The following SHTN1 variants were observed in gnomAD, a reference collection of about 807,000 sequenced individuals.
SHTN1 encodes the protein shootin 1.
In SHTN1, 42 loss-of-function variants were observed where a neutral mutation model predicts 83.1. The observed-to-expected ratio is 0.51, with a 90% CI of 0.39 to 0.65. The LOEUF (loss-of-function observed/expected upper bound fraction) is 0.65. Ranked by LOEUF, SHTN1 falls within the 30% of genes least tolerant of loss-of-function variation. The probability of loss-of-function intolerance (pLI) is 0.00; values close to 1 mark genes in which losing one functional copy is unlikely to be tolerated. For synonymous variants in SHTN1, 224 were observed against 247.7 expected, an observed-to-expected ratio of 0.90 and a Z score of 0.90; for missense variants, 622 against 737.8, an observed-to-expected ratio of 0.84 and a Z score of 1.82.
At position 116,885,060 on chromosome 10, in the gene SHTN1, T is replaced by A. The variant is rs1431037951; in HGVS notation, c.*1284A>T. On this transcript the variant is annotated 3_prime_UTR_variant, in exon 17 of 17. Transcript: ENST00000355371. ...TTACAGAAAGATAATTATCTCCAAA[T>A]TTAGGAAGTACATGTACCTGCCTAC... 6.6e-6 allele frequency: 1 copy of A among 152,550 alleles called. No homozygotes were observed. Among genetic ancestry groups the A allele is most frequent in the East Asian group, 1.9e-4 (1 of 5,192 alleles). The allele number at this position is 152,550 out of a possible 1,614,324, so 9.4% of individuals were successfully genotyped here.
intron 8 of SHTN1, among the ~76,000 whole-genome samples, chr10:116,944,214 T>C (rs532457600): frequency 9.8e-5 from 15 of 152,344 alleles, no homozygotes; most frequent in Admixed American, 2.6e-4. Flanking sequence ...TACAGGCATC[T>C]TGTACCCAAG....
chr10:117,048,495 T>C (rs1339982627), exon 2 of SHTN1: 7 of 985,070 alleles, frequency 7.1e-6, no homozygotes, highest in Non-Finnish European at 8.4e-6. Context: ...GGCAGACCAC[T>C]GATTGGAGGG....
At chr10:117,113,971 C>T (rs1463709941) in intron 1 of SHTN1, among the ~76,000 whole-genome samples, 1 of 152,116 alleles carries the variant, frequency 6.6e-6, no homozygotes, top group Non-Finnish European at 1.5e-5. Flanking sequence ...AACTTGAACC[C>T]GGGAGGTGGA....
intron 1 of SHTN1, among the ~76,000 whole-genome samples, chr10:117,124,132 G>A (rs1853971624): frequency 6.6e-6 from 1 of 150,588 alleles, no homozygotes; most frequent in Non-Finnish European, 1.5e-5. Flanking sequence ...GGTCCCTTGA[G>A]CCTGGGAGGT....
intron 13 of SHTN1, among the ~76,000 whole-genome samples, chr10:116,912,184 T>C (rs969476142): frequency 6.6e-6 from 1 of 152,146 alleles, no homozygotes; most frequent in African/African-American, 2.4e-5. Flanking sequence ...ATTCAGAGCT[T>C]CTTAGGATAA....
intron 12 of SHTN1, among the ~76,000 whole-genome samples, chr10:116,916,790 A>G (rs1848399681): frequency 6.6e-6 from 1 of 152,218 alleles, no homozygotes; most frequent in African/African-American, 2.4e-5. Flanking sequence ...AGTCCACAAT[A>G]AGGGATCACT....
intron 3 of SHTN1, among the ~76,000 whole-genome samples, chr10:116,965,667 T>G (rs1464646712): frequency 6.6e-6 from 1 of 152,256 alleles, no homozygotes; most frequent in Non-Finnish European, 1.5e-5. Flanking sequence ...CTCTTAATAC[T>G]GAAGGGCAAT....
intron 1 of SHTN1, among the ~76,000 whole-genome samples, chr10:117,119,755 G>A (rs961971327): frequency 2.6e-5 from 4 of 152,028 alleles, no homozygotes; most frequent in African/African-American, 9.7e-5. Context: ...GTTCACAATA[G>A]CCAAGATTTG....
intron 1 of SHTN1, among the ~76,000 whole-genome samples, chr10:117,093,465 A>G (rs1853462620): frequency 1.3e-5 from 2 of 152,180 alleles, no homozygotes; most frequent in African/African-American, 4.8e-5. Flanking sequence ...GGATAAGCCG[A>G]GATCATGCCA....
chr10:117,002,810 C>T (rs1240743534), intron 1 of SHTN1, among the ~76,000 whole-genome samples: 1 of 152,142 alleles, frequency 6.6e-6, no homozygotes, highest in Non-Finnish European at 1.5e-5. Flanking sequence ...ACTCACTATC[C>T]CCAAAAGTGT....
chr10:117,058,196 A>C (rs757005281), intron 1 of SHTN1, among the ~76,000 whole-genome samples: 2 of 152,194 alleles, frequency 1.3e-5, no homozygotes, highest in Non-Finnish European at 2.9e-5. Context: ...AAAATCAAAA[A>C]CTTTCTTGCA....
At chr10:116,899,506 G>GGT (rs370396879) in intron 16 of SHTN1, among the ~76,000 whole-genome samples, 27,528 of 124,376 alleles carry the variant, frequency 0.22, 2,727 homozygotes, top group Admixed American at 0.28. Flanking sequence ...GGCTGGGGCT[G>GGT]GTGTGTGTGT....
At chr10:116,904,869 G>A (rs1471434339) in intron 15 of SHTN1, among the ~76,000 whole-genome samples, 1 of 152,168 alleles carries the variant, frequency 6.6e-6, no homozygotes, top group South Asian at 2.1e-4. Flanking sequence ...AAATGTGAAC[G>A]ACAGAGCACT....
intron 1 of SHTN1, among the ~76,000 whole-genome samples, chr10:117,079,806 C>A (rs1450980336): frequency 1.2e-4 from 18 of 147,578 alleles, no homozygotes; most frequent in Non-Finnish European, 2.3e-4. Flanking sequence ...AGCACTTTTT[C>A]ATGTGTTTTT....
At chr10:116,891,544 G>A (rs767704689) in intron 16 of SHTN1, among the ~76,000 whole-genome samples, 7 of 152,144 alleles carry the variant, frequency 4.6e-5, no homozygotes, top group Non-Finnish European at 8.8e-5. Flanking sequence ...TTATAAAGTC[G>A]TTTCCTGGAC....
At chr10:117,009,184 G>A (rs936274724), upstream of SHTN1, among the ~76,000 whole-genome samples, 3 of 151,980 alleles carry the variant, frequency 2.0e-5, no homozygotes, top group Non-Finnish European at 4.4e-5. Flanking sequence ...AAGTCAAAAT[G>A]ATTACCAAAA....
At chr10:117,021,407 A>G (rs1374176479) in intron 2 of SHTN1, among the ~76,000 whole-genome samples, 1 of 152,222 alleles carries the variant, frequency 6.6e-6, no homozygotes, top group Non-Finnish European at 1.5e-5. Flanking sequence ...TCATCTCGAA[A>G]TTATAAAGAC....
At chr10:116,960,333 T>C (rs1369161265) in intron 3 of SHTN1, 103 bp from the exon 4 acceptor site, 4 of 655,998 alleles carry the variant, frequency 6.1e-6, no homozygotes, top group African/African-American at 3.6e-5. Context: ...ATTCTTTGGC[T>C]AGCCAGACCT....
chr10:117,082,458 A>G (rs1050317968), intron 1 of SHTN1, among the ~76,000 whole-genome samples: 9 of 150,856 alleles, frequency 6.0e-5, no homozygotes, highest in Admixed American at 1.3e-4. Flanking sequence ...ACTTCCAAGT[A>G]TGTGGTCAAT....
Sources: allele counts gnomAD v4.1 joint callset (sites outside exome capture counted in the v4.1 genomes callset), GRCh38; gene constraint gnomAD v4.1.1; transcripts MANE v1.5; gene names NCBI Gene and HGNC (gene_info 2026-07-23, HGNC 2026-07-21).